ZBTB44: variants seen among roughly 807,000 people sequenced by gnomAD.
ZBTB44 encodes the protein zinc finger and BTB domain containing 44, also known as zinc finger and BTB domain-containing protein 44.
ZBTB44 carries 15 observed loss-of-function variants against 54.0 expected under a neutral mutation model. The ratio of observed to expected loss-of-function variants is 0.28; its 90% confidence interval spans 0.19 to 0.43. ZBTB44 has a LOEUF of 0.43. ZBTB44 is among the 20% of genes least tolerant of loss of function. The probability of loss-of-function intolerance (pLI) is 1.00; values close to 1 mark genes in which losing one functional copy is unlikely to be tolerated. For missense variants in ZBTB44, 487 were observed against 707.1 expected (o/e 0.69, Z 3.53); for synonymous variants, 230 against 250.1 (o/e 0.92, Z 0.76).
chr11:130,311,264 T>C (rs1942585597), intron 1 of ZBTB44, among the ~76,000 whole-genome samples: 1 of 152,106 alleles, frequency 6.6e-6, no homozygotes, highest in Non-Finnish European at 1.5e-5. Flanking sequence ...TGAAGTGCAG[T>C]GGGGTATGAA....
intron 1 of ZBTB44, chr11:130,285,520 G>T: frequency 4.9e-6 from 1 of 202,632 alleles, no homozygotes; most frequent in Non-Finnish European, 1.1e-5. Context: ...TCGAACTCCT[G>T]ACCTCAGGTG....
At chr11:130,290,807 G>A (rs1454811523) in intron 1 of ZBTB44, among the ~76,000 whole-genome samples, 1 of 152,166 alleles carries the variant, frequency 6.6e-6, no homozygotes, top group Admixed American at 6.6e-5. Context: ...CATTGATGGG[G>A]AAATTGAGGC....
At chr11:130,234,652 A>T (rs899099076) in intron 5 of ZBTB44, among the ~76,000 whole-genome samples, 1 of 152,202 alleles carries the variant, frequency 6.6e-6, no homozygotes, top group Non-Finnish European at 1.5e-5. Flanking sequence ...TTGATTATAC[A>T]TTGAGTAAGA....
chr11:130,300,334 C>CCA (rs113216312), intron 1 of ZBTB44, among the ~76,000 whole-genome samples: 5,949 of 150,586 alleles, frequency 0.04, 156 homozygotes, highest in African/African-American at 0.07. Context: ...GTGTATTTCA[C>CCA]CACACACACA....
At chr11:130,262,558 T>C (rs1234119050) in intron 1 of ZBTB44, among the ~76,000 whole-genome samples, 3 of 152,302 alleles carry the variant, frequency 2.0e-5, no homozygotes, top group Non-Finnish European at 2.9e-5. Context: ...AGTTAGTTGA[T>C]TGTCATCATA....
Position 130,228,744 on chromosome 11 carries a change from T to C in ZBTB44, c.*3020A>G, listed in dbSNP as rs527250439. 6.6e-6 allele frequency: 1 copy of C among 152,312 alleles called. No homozygotes were observed. The highest frequency in any genetic ancestry group is 2.4e-5 in the African/African-American group (1 of 41,566). 9.4% of individuals were successfully genotyped at this position (152,312 alleles called of 1,614,324 possible). On this transcript the variant is annotated 3_prime_UTR_variant, in exon 8 of 8. Coordinates refer to ENST00000357899, the MANE Select transcript of ZBTB44 (RefSeq NM_001301098.2). ...ATAATGAAATCTAAATGTGGCTAGA[T>C]TGGCATTTGGGAAAACAAGGGCCTT...
In ZBTB44 at chr11:130,230,989, C is replaced by A. The variant is rs2136244494; in HGVS notation, c.*775G>T. On this transcript the variant is annotated 3_prime_UTR_variant, in exon 8 of 8. Coordinates refer to ENST00000357899, the MANE Select transcript of ZBTB44 (RefSeq NM_001301098.2). ...TTTATTCTGCATTCTGAAATTTAAG[C>A]CCTTTAGATACCACAAAGTTACCCT... is the stretch of plus-strand genomic sequence containing the variant. The A allele has an allele frequency of 6.6e-6, 1 of 152,124 alleles. No individual in the cohort carries two copies. Among genetic ancestry groups the A allele is most frequent in the South Asian group, 2.1e-4 (1 of 4,820 alleles). 9.4% of individuals were successfully genotyped at this position (152,124 alleles called of 1,614,324 possible). A position where few individuals can be genotyped will look rare whatever the true frequency, so the allele number is the denominator to read the frequency against.
chr11:130,286,070 A>G (rs1940941233), intron 1 of ZBTB44, among the ~76,000 whole-genome samples: 1 of 152,258 alleles, frequency 6.6e-6, no homozygotes, highest in East Asian at 1.9e-4. Context: ...AAACTACACA[A>G]CTAAAAAGAT....
chr11:130,238,273 GCTTT>G (rs1403398180), intron 4 of ZBTB44, among the ~76,000 whole-genome samples, 167 bp downstream of exon 4: 1 of 152,304 alleles, frequency 6.6e-6, no homozygotes, highest in East Asian at 1.9e-4. Context: ...GTGGCAAGCA[GCTTT>G]CTGACACTGC....
chr11:130,294,727 C>T lies in ZBTB44; in HGVS notation c.-57+19648G>A, dbSNP rs546640742. 2.0e-5 allele frequency among the ~76,000 whole-genome samples: 3 copies of T among 152,150 alleles called. No individual in the cohort carries two copies. In the South Asian group the frequency reaches 6.2e-4, roughly 32 times the overall value. ...AATAACTCCCACATGCTTAGTGTTC[C>T]AATAATGGAACGGTAGGCAAAACAG... On this transcript the variant is annotated intron_variant, in intron 1 of 7. Coordinates refer to ENST00000357899, the MANE Select transcript of ZBTB44 (RefSeq NM_001301098.2).
chr11:130,312,298 T>C (rs1942655818), intron 1 of ZBTB44, among the ~76,000 whole-genome samples: 1 of 152,162 alleles, frequency 6.6e-6, no homozygotes, highest in Non-Finnish European at 1.5e-5. Context: ...AATCACAAAC[T>C]GGCAAACCAC....
chr11:130,260,708 T>G, intron 2 of ZBTB44, 148 bp downstream of exon 2: 1 of 883,570 alleles, frequency 1.1e-6, no homozygotes. Context: ...ACGATAGTGC[T>G]AATAGCATCT....
chr11:130,257,785 T>C (rs1221769948), intron 2 of ZBTB44, among the ~76,000 whole-genome samples: 2 of 152,312 alleles, frequency 1.3e-5, no homozygotes, highest in Non-Finnish European at 2.9e-5. Context: ...CAAATCTTTA[T>C]TATTCACTAG....
At chr11:130,273,249 A>C (rs1303499991) in intron 1 of ZBTB44, among the ~76,000 whole-genome samples, 1 of 150,606 alleles carries the variant, frequency 6.6e-6, no homozygotes, top group Non-Finnish European at 1.5e-5. Flanking sequence ...TCAGAGTATG[A>C]GTTTTTCTTT....
chr11:130,253,670 A>G (rs1420214976), intron 2 of ZBTB44, among the ~76,000 whole-genome samples: 1 of 152,206 alleles, frequency 6.6e-6, no homozygotes, highest in African/African-American at 2.4e-5. Flanking sequence ...ATTCAATGCC[A>G]TCCCCATCAA....
chr11:130,243,831 C>T (rs931249899), intron 2 of ZBTB44, among the ~76,000 whole-genome samples: 28 of 152,252 alleles, frequency 1.8e-4, no homozygotes, highest in African/African-American at 6.3e-4. Flanking sequence ...ATATCCTTAC[C>T]AACACTTGGT....
At chr11:130,239,953 G>A (rs1407039756) in intron 2 of ZBTB44, 57 bp from the exon 3 acceptor site, 10 of 1,223,568 alleles carry the variant, frequency 8.2e-6, no homozygotes, top group Admixed American at 2.0e-5. Flanking sequence ...AGCCAAGATT[G>A]TAACTGAAAG....
chr11:130,302,797 A>C (rs1592072285), intron 1 of ZBTB44, among the ~76,000 whole-genome samples: 1 of 152,186 alleles, frequency 6.6e-6, no homozygotes, highest in South Asian at 2.1e-4. Flanking sequence ...ACATGGTGAA[A>C]CCCCGTCTCT....
chr11:130,278,230 T>A (rs1013706650), intron 1 of ZBTB44, among the ~76,000 whole-genome samples: 11 of 152,208 alleles, frequency 7.2e-5, no homozygotes, highest in African/African-American at 2.7e-4. Context: ...TAGCTTAAAG[T>A]GCTCAAAACA....
Sources: allele counts gnomAD v4.1 joint callset (sites outside exome capture counted in the v4.1 genomes callset), GRCh38; gene constraint gnomAD v4.1.1; transcripts MANE v1.5; gene names NCBI Gene and HGNC (gene_info 2026-07-23, HGNC 2026-07-21).